The following RIGI variants were observed in gnomAD, a reference collection of about 807,000 sequenced individuals.
RIGI encodes antiviral innate immune response receptor RIG-I.
At chr9:32,462,742 T>G in the RIGI span, among the ~76,000 whole-genome samples, 308 of 152,164 alleles carry the variant, frequency 2.0e-3, 5 homozygotes, top group African/African-American at 6.9e-3. Flanking sequence ...TGAGATAGAT[T>G]CCTACTATGT....
chr9:32,462,634 C>G, the RIGI span, among the ~76,000 whole-genome samples: 1 of 151,946 alleles, frequency 6.6e-6, no homozygotes, highest in Non-Finnish European at 1.5e-5. Context: ...GTCTTGAACT[C>G]CTGACCTCAG....
the RIGI span, among the ~76,000 whole-genome samples, chr9:32,477,892 T>C: frequency 6.6e-6 from 1 of 151,356 alleles, no homozygotes; most frequent in Non-Finnish European, 1.5e-5. Flanking sequence ...ACCACTGCAC[T>C]ACAGCCTGGG....
At chr9:32,508,239 A>ATTTTTTTTTTTTTT in the RIGI span, among the ~76,000 whole-genome samples, 61 of 70,332 alleles carry the variant, frequency 8.7e-4, 7 homozygotes, top group Admixed American at 2.6e-3. Context: ...TATTTACTTA[A>ATTTTTTTTTTTTTT]TTTTTTTTTT....
the RIGI span, chr9:32,456,864 T>C: frequency 2.4e-6 from 1 of 413,876 alleles, no homozygotes; most frequent in Non-Finnish European, 4.3e-6. Flanking sequence ...TGTTGGCAGT[T>C]GACTCTAAAA....
chr9:32,466,437 T>C, the RIGI span: 1 of 1,603,818 alleles, frequency 6.2e-7, no homozygotes, highest in Non-Finnish European at 8.5e-7. Flanking sequence ...TTGCTCTTCC[T>C]CTGCCTATTA....
At chr9:32,500,765 G>C in the RIGI span, 6 of 1,597,504 alleles carry the variant, frequency 3.8e-6, no homozygotes, top group Non-Finnish European at 5.1e-6. Flanking sequence ...AAGCAGCAAA[G>C]TAATATCCTC....
chr9:32,502,615 C>T, the RIGI span, among the ~76,000 whole-genome samples: 1 of 152,314 alleles, frequency 6.6e-6, no homozygotes, highest in African/African-American at 2.4e-5. Context: ...GAGGCTTATT[C>T]TCTCTGTTCT....
chr9:32,517,148 GTTC>G, the RIGI span, among the ~76,000 whole-genome samples: 6 of 152,178 alleles, frequency 3.9e-5, no homozygotes, highest in Non-Finnish European at 8.8e-5. Flanking sequence ...TCCACATGAC[GTTC>G]TTCTGTAGTG....
chr9:32,467,324 T>G, the RIGI span, among the ~76,000 whole-genome samples: 1 of 152,166 alleles, frequency 6.6e-6, no homozygotes, highest in Non-Finnish European at 1.5e-5. Flanking sequence ...AAAAGTAATA[T>G]GATAGCTGTA....
the RIGI span, chr9:32,485,168 A>C: frequency 2.9e-4 from 465 of 1,580,498 alleles, 1 homozygote; most frequent in Non-Finnish European, 1.4e-4. Context: ...TATGAGATTT[A>C]TCTCACCGAG....
At chr9:32,510,685 G>A in the RIGI span, among the ~76,000 whole-genome samples, 2 of 152,002 alleles carry the variant, frequency 1.3e-5, no homozygotes, top group Admixed American at 1.3e-4. Context: ...TCAACTAACA[G>A]GCAAAATAAC....
At chr9:32,508,239 A>ATTTTTTTTTTTTTTTT in the RIGI span, among the ~76,000 whole-genome samples, 143 of 70,338 alleles carry the variant, frequency 2.0e-3, 17 homozygotes, top group Middle Eastern at 0.014. Context: ...TATTTACTTA[A>ATTTTTTTTTTTTTTTT]TTTTTTTTTT....
At chr9:32,463,889 C>CTTTTTTTTTTTTTTTTTTTTTAT in the RIGI span, among the ~76,000 whole-genome samples, 99 of 135,774 alleles carry the variant, frequency 7.3e-4, 7 homozygotes, top group Non-Finnish European at 1.1e-3. Context: ...ATTCTGATTT[C>CTTTTTTTTTTTTTTTTTTTTTAT]AAATAAACCT....
chr9:32,499,205 T>C, the RIGI span, among the ~76,000 whole-genome samples: 1 of 148,220 alleles, frequency 6.7e-6, no homozygotes, highest in Non-Finnish European at 1.5e-5. Context: ...GCTCTATGTA[T>C]GTTTTCTTTC....
At chr9:32,482,414 T>C in the RIGI span, among the ~76,000 whole-genome samples, 13 of 152,168 alleles carry the variant, frequency 8.5e-5, no homozygotes, top group African/African-American at 3.1e-4. Context: ...CAAACCCACA[T>C]GTGTCAGATG....
the RIGI span, chr9:32,492,277 G>C: frequency 4.6e-5 from 53 of 1,160,498 alleles, no homozygotes; most frequent in Non-Finnish European, 1.2e-5. Context: ...CTGGTCTCGC[G>C]TTAGAGATGT....
chr9:32,481,558 A>C, the RIGI span: 59 of 1,217,804 alleles, frequency 4.8e-5, no homozygotes, highest in East Asian at 1.4e-3. Context: ...TTAGGGTTAT[A>C]AACAGGCCTC....
the RIGI span, among the ~76,000 whole-genome samples, chr9:32,496,997 T>A: frequency 6.6e-6 from 1 of 152,326 alleles, no homozygotes; most frequent in Non-Finnish European, 1.5e-5. Context: ...GGCCTCCTGG[T>A]TTATTCTTCA....
the RIGI span, among the ~76,000 whole-genome samples, chr9:32,510,029 G>C: frequency 6.6e-6 from 1 of 151,958 alleles, no homozygotes; most frequent in East Asian, 1.9e-4. Flanking sequence ...ATGAAGACAA[G>C]ATTAGAGAAA....
Sources: allele counts gnomAD v4.1 joint callset (sites outside exome capture counted in the v4.1 genomes callset), GRCh38; gene constraint gnomAD v4.1.1; transcripts MANE v1.5; gene names NCBI Gene and HGNC (gene_info 2026-07-23, HGNC 2026-07-21).